TDRD6: variants seen among roughly 807,000 people sequenced by gnomAD.
TDRD6 encodes tudor domain containing 6.
A neutral mutation model predicts 157.5 loss-of-function variants in TDRD6; 186 were observed. The ratio of observed to expected loss-of-function variants is 1.18; its 90% CI spans 1.05 to 1.33. TDRD6 has a LOEUF of 1.33. TDRD6 is among the 40% of genes most tolerant of loss of function. The pLI is 0.00. For missense variants in TDRD6, 3,066 were observed against 2,508.0 expected, an observed-to-expected ratio of 1.22 and a Z score of -4.75; for synonymous variants, 1,075 against 945.2, an observed-to-expected ratio of 1.14 and a Z score of -2.52.
rs780797714 is a variant in TDRD6, at chr6:46,690,969, A to G, written c.2841A>G (p.Ala947=). The part of the protein sequence containing the change: ...IVDLLTPFQS[A]CHFLVEKRLA... Reference sequence around the variant, plus strand: ...ATTTGCTAACCCCCTTTCAGAGTGCATGCCATTTCTTGGTAGAAAAGAGAC... The same window carrying G: ...ATTTGCTAACCCCCTTTCAGAGTGCGTGCCATTTCTTGGTAGAAAAGAGAC... The change falls in exon 1 of 4, where the codon GCA becomes GCG. Residue 947 remains alanine, a synonymous_variant. Coordinates refer to ENST00000316081, the MANE Select transcript of TDRD6 (RefSeq NM_001010870.3). The G allele has an allele frequency of 4.3e-6, 7 of 1,614,040 alleles. No individual in the cohort carries two copies. Among genetic ancestry groups the G allele is most frequent in the East Asian group, 4.5e-5 (2 of 44,884 alleles).
chr6:46,691,153 G>T lies in TDRD6; in HGVS notation c.3025G>T (p.Ala1009Ser), dbSNP rs1468704122. The T allele has an allele frequency of 1.2e-6, 2 of 1,613,702 alleles. No homozygotes were observed. The highest frequency in any genetic ancestry group is 1.7e-6 in the Non-Finnish European group (2 of 1,179,872). Residue 1009 changes from alanine to serine, a missense_variant, in exon 1 of 4, where the codon GCA (alanine) becomes TCA (serine). Ala to Ser is a moderately conservative substitution (Grantham distance 99, BLOSUM62 1). Transcript: ENST00000316081. ...WTFYCQLARN[A>S]NILEQLSCSI... The stretch of plus-strand genomic sequence containing the variant: ...ATTTTATTGCCAGCTGGCAAGAAAT[G>T]CAAATATTTTAGAACAGTTGTCATG...
At chr6:46,681,136 T>A in the TDRD6 span, among the ~76,000 whole-genome samples, 3 of 152,234 alleles carry the variant, frequency 2.0e-5, no homozygotes, top group Non-Finnish European at 4.4e-5. Flanking sequence ...GAAAGACATT[T>A]ATACACATGA....
intron 2 of TDRD6, among the ~76,000 whole-genome samples, chr6:46,696,753 A>T (rs1027296456): frequency 6.7e-6 from 1 of 148,438 alleles, no homozygotes; most frequent in Non-Finnish European, 1.5e-5. Context: ...CTGGGACTAC[A>T]GGCGCCCACC....
Position 46,689,383 on chromosome 6 carries a change from T to C in TDRD6, c.1255T>C (p.Tyr419His). 6.2e-7 allele frequency: 1 copy of C among 1,613,956 alleles called. No homozygotes were observed. The highest frequency in any genetic ancestry group is 8.5e-7 in the Non-Finnish European group (1 of 1,180,032). Residue 419 changes from tyrosine (Y) to histidine (H), a missense_variant, in exon 1 of 4, where the codon TAT becomes CAT. Physicochemically the swap from Tyr to His is moderately conservative, Grantham distance 83 (BLOSUM62 2). Transcript: ENST00000316081. ...ATTTTATTGCTCCTTTGAGCATGTG[T>C]ATTATGTCAGCCTGTATGGAGAAGA... is the stretch of plus-strand genomic sequence containing the variant. ...IEFYCSFEHV[Y>H]YVSLYGEDGI...
intron 2 of TDRD6, among the ~76,000 whole-genome samples, chr6:46,696,836 C>A (rs1024376716): frequency 1.3e-5 from 2 of 151,306 alleles, no homozygotes; most frequent in Non-Finnish European, 2.9e-5. Flanking sequence ...TGGTCTCGAT[C>A]TCCTGACCTT....
At chr6:46,684,617 TACTATTTTTTTTTC>T (rs989738331), upstream of TDRD6, among the ~76,000 whole-genome samples, 2 of 152,172 alleles carry the variant, frequency 1.3e-5, no homozygotes. Flanking sequence ...TGTAACCTTT[TACTATTTTTTTTTC>T]ACTCAGTAAA....
Position 46,689,702 on chromosome 6 carries a change from C to A in TDRD6, c.1574C>A (p.Ser525Tyr). 2 of 1,614,202 alleles carry A rather than the reference C, an allele frequency of 1.2e-6. No homozygotes were observed. Among genetic ancestry groups the A allele is most frequent in the Non-Finnish European group, 1.7e-6 (2 of 1,180,046 alleles). ...KLMRRMCGFY[S>Y]SASKLDGVVL... ...ATGAGGAGAATGTGTGGTTTCTATT[C>A]CTCTGCCAGTAAGCTGGATGGTGTA... Residue 525 changes from serine to tyrosine, a missense_variant, in exon 1 of 4, where the codon TCC becomes TAC. By Grantham distance (144) the Ser-to-Tyr change is moderately radical. Transcript: ENST00000316081.
In TDRD6 at chr6:46,695,901, T is replaced by C; in HGVS notation, c.6127T>C (p.Trp2043Arg). 3 of 1,613,618 alleles carry C rather than the reference T, an allele frequency of 1.9e-6. No homozygotes were observed. The highest frequency in any genetic ancestry group is 2.5e-6 in the Non-Finnish European group (3 of 1,179,722). ...TGTGTGGTCAAGTCTAAGAAACACA[T>C]GGTCTAAATGTGAGATTTTAGAAAC... ...CVVWSSLRNT[W>R]SKCEILETAE... Residue 2043 changes from tryptophan (W) to arginine (R), a missense_variant, in exon 2 of 4, where the codon TGG (tryptophan) becomes CGG (arginine). Physicochemically the swap from Trp to Arg is moderately radical, Grantham distance 101. Coordinates refer to ENST00000316081, the MANE Select transcript of TDRD6 (RefSeq NM_001010870.3).
upstream of TDRD6, among the ~76,000 whole-genome samples, chr6:46,683,180 A>G (rs1380703236): frequency 6.6e-6 from 1 of 152,038 alleles, no homozygotes; most frequent in Non-Finnish European, 1.5e-5. Context: ...TGGTCAATTA[A>G]TTTTTGGCAA....
At position 46,688,344 on chromosome 6, in the gene TDRD6, G is replaced by A. The variant is rs1417960839; in HGVS notation, c.216G>A (p.Leu72=). ...GCGCCTCGGCCTCGCCCGGCGAGCT[G>A]TGCCTGGTGCAGGTCGGGCTTTTGT... ...LGSASASPGE[L]CLVQVGLLWH... The change falls in exon 1 of 4, where the codon CTG becomes CTA. Residue 72 remains leucine, a synonymous_variant. Coordinates refer to ENST00000316081, the MANE Select transcript of TDRD6 (RefSeq NM_001010870.3). The A allele has an allele frequency of 1.3e-6, 2 of 1,530,238 alleles. No homozygotes were observed. Among genetic ancestry groups the A allele is most frequent in the South Asian group, 2.4e-5 (2 of 83,668 alleles). The allele number at this position is 1,530,238 out of a possible 1,614,324, so 94.8% of individuals were successfully genotyped here.
At chr6:46,700,438 G>C (rs935519144) in intron 3 of TDRD6, among the ~76,000 whole-genome samples, 1 of 151,852 alleles carries the variant, frequency 6.6e-6, no homozygotes, top group Non-Finnish European at 1.5e-5. Context: ...TATTATGCAT[G>C]ACTTTTTTTT....
In TDRD6 at chr6:46,695,943, AG is replaced by A. The variant is rs759932721; in HGVS notation, c.6171+1del. Reference protein sequence around the residue: ...EILETAEEGTRVLNLSNGMEE... With the variant: ...EILETAEEGTXVLNLSNGMEE... ...TTTAGAAACAGCTGAAGAAGGAACA[AG>A]GGTAAGTGATGTTTAAGTACTTTAT... On this transcript the variant is annotated frameshift_variant and splice_region_variant, in exon 2 of 4. Transcript: ENST00000316081. LOFTEE classifies it high-confidence loss of function. The A allele has an allele frequency of 1.9e-6, 3 of 1,610,936 alleles. No individual in the cohort carries two copies. In the South Asian group the frequency reaches 3.3e-5, roughly 18 times the overall value.
chr6:46,687,131 G>A (rs558776209), upstream of TDRD6, among the ~76,000 whole-genome samples: 1 of 152,280 alleles, frequency 6.6e-6, no homozygotes, highest in East Asian at 1.9e-4. Flanking sequence ...TGGAGGTTTG[G>A]ACATTTAACA....
chr6:46,687,785 C>A (rs1764141074), upstream of TDRD6: 3 of 248,462 alleles, frequency 1.2e-5, no homozygotes, highest in Admixed American at 5.4e-5. Flanking sequence ...AACGTCCCAA[C>A]AAGCTCCTTG....
chr6:46,682,577 T>TA, the TDRD6 span, among the ~76,000 whole-genome samples: 57 of 151,330 alleles, frequency 3.8e-4, no homozygotes, highest in African/African-American at 1.3e-3. Flanking sequence ...ATTACATATA[T>TA]AAAAAAAATC....
chr6:46,702,575 A>AT lies in TDRD6; in HGVS notation c.*694dup, dbSNP rs1362176439. On this transcript the variant is annotated 3_prime_UTR_variant, in exon 4 of 4. Transcript: ENST00000316081. ...GTCACTTAGCTTATACTTTAAATGCATTTTTTCACTTTATTCATCAACTTT... is the reference window on the plus strand; with the variant it reads ...GTCACTTAGCTTATACTTTAAATGCATTTTTTTCACTTTATTCATCAACTTT... The AT allele has an allele frequency of 1.1e-4, 17 of 152,202 alleles. No individual in the cohort carries two copies. In the South Asian group the frequency reaches 2.3e-3, roughly 20 times the overall value. 9.4% of individuals were successfully genotyped at this position (152,202 alleles called of 1,614,324 possible).
chr6:46,684,963 C>T (rs1017130170), upstream of TDRD6, among the ~76,000 whole-genome samples: 2 of 150,332 alleles, frequency 1.3e-5, no homozygotes, highest in African/African-American at 2.4e-5. Flanking sequence ...GGTGTTATCA[C>T]GATTTTTTAG....
rs1764310926 is a variant in TDRD6, at chr6:46,691,357, G to C, written c.3229G>C (p.Asp1077His). The C allele has an allele frequency of 5.6e-6, 9 of 1,613,996 alleles. No homozygotes were observed. The highest frequency in any genetic ancestry group is 7.6e-6 in the Non-Finnish European group (9 of 1,179,924). ...GAATATTTATGTAGTAACAAGTGAT[G>C]ATCTGCTTCCAATACCTAGTGATGC... ...FGNIYVVTSD[D>H]LLPIPSDAYD... Residue 1077 changes from aspartate (D) to histidine (H), a missense_variant, in exon 1 of 4, where the codon GAT (aspartate) becomes CAT (histidine). Asp to His is a moderately conservative substitution (Grantham distance 81). Coordinates refer to ENST00000316081, the MANE Select transcript of TDRD6 (RefSeq NM_001010870.3).
Position 46,690,301 on chromosome 6 carries a change from GAC to G in TDRD6, c.2177_2178del (p.Thr726AsnfsTer9), listed in dbSNP as rs770828937. On this transcript the variant is annotated frameshift_variant, in exon 1 of 4. Transcript: ENST00000316081. LOFTEE classifies it high-confidence loss of function. Reference sequence around the variant, plus strand: ...CACATCTGTTTCAAAAGCTTTGAGTGACACAACAGTTGTAACAAATGGTTCAA... The same window carrying G: ...CACATCTGTTTCAAAAGCTTTGAGTGACAACAGTTGTAACAAATGGTTCAA... ...KTTSVSKALS[D>X]TTVVTNGSTE... 4.3e-6 allele frequency: 7 copies of G among 1,613,436 alleles called. No individual in the cohort carries two copies. The highest frequency in any genetic ancestry group is 2.2e-5 in the East Asian group (1 of 44,878).
Sources: gnomAD v4.1 joint callset for allele counts (sites outside exome capture counted in the v4.1 genomes callset) on GRCh38, gnomAD v4.1.1 for gene constraint, MANE v1.5 for transcripts, NCBI Gene and HGNC (gene_info 2026-07-23, HGNC 2026-07-21) for gene names.